Variants in FAM107B observed in about 807,000 individuals in gnomAD.
FAM107B encodes the protein family with sequence similarity 107 member B.
In FAM107B, 21 loss-of-function variants were observed where a neutral mutation model predicts 31.5. That is an observed-to-expected ratio of 0.67 (90% CI 0.47 to 0.96). The LOEUF (loss-of-function observed/expected upper bound fraction) is 0.96, where lower values mean the gene tolerates loss of function less well. FAM107B is among the 40% of genes least tolerant of loss of function. The pLI is 0.00. For missense variants in FAM107B, 452 were observed against 377.1 expected (o/e 1.20, Z -1.64); for synonymous variants, 157 against 141.5 (o/e 1.11, Z -0.78).
At chr10:14,634,670 C>T (rs894515533) in intron 2 of FAM107B, among the ~76,000 whole-genome samples, 8 of 152,132 alleles carry the variant, frequency 5.3e-5, no homozygotes, top group Non-Finnish European at 1.2e-4. Context: ...CAGGAAGGGT[C>T]TACATTTGGG....
chr10:14,703,428 T>C (rs930852554), intron 1 of FAM107B, among the ~76,000 whole-genome samples: 3 of 151,460 alleles, frequency 2.0e-5, no homozygotes, highest in South Asian at 2.1e-4. Context: ...CCTCCGCCTC[T>C]GGGTTCAAGC....
chr10:14,564,720 C>T (rs183037957), intron 2 of FAM107B, among the ~76,000 whole-genome samples: 12 of 152,212 alleles, frequency 7.9e-5, no homozygotes, highest in Admixed American at 7.8e-4. Flanking sequence ...CAGATCGCAA[C>T]AGAAATAAGG....
chr10:14,726,145 C>T (rs1338472283), intron 1 of FAM107B, among the ~76,000 whole-genome samples: 1 of 152,176 alleles, frequency 6.6e-6, no homozygotes, highest in Non-Finnish European at 1.5e-5. Flanking sequence ...AGGCTTGCAC[C>T]ACCACACCTG....
chr10:14,662,167 C>T (rs976921345), intron 2 of FAM107B, among the ~76,000 whole-genome samples: 24 of 152,116 alleles, frequency 1.6e-4, no homozygotes, highest in Non-Finnish European at 2.4e-4. Flanking sequence ...GGGATTGCAA[C>T]GCATCTTTAA....
intron 2 of FAM107B, among the ~76,000 whole-genome samples, chr10:14,557,574 G>T (rs1215640784): frequency 1.3e-5 from 2 of 152,134 alleles, no homozygotes; most frequent in African/African-American, 4.8e-5. Context: ...TTTAAAACTG[G>T]TAATAGAAAT....
At chr10:14,741,715 CTT>C (rs769614377) in intron 1 of FAM107B, among the ~76,000 whole-genome samples, 7 of 114,428 alleles carry the variant, frequency 6.1e-5, no homozygotes, top group African/African-American at 1.1e-4. Flanking sequence ...GCATAACTCC[CTT>C]TTTTTTTTTT....
chr10:14,631,678 C>G (rs529067790), intron 2 of FAM107B, among the ~76,000 whole-genome samples: 1 of 152,264 alleles, frequency 6.6e-6, no homozygotes, highest in Non-Finnish European at 1.5e-5. Context: ...CTTCTCTAAC[C>G]TCCTGGGTCC....
chr10:14,647,685 CAA>C (rs35141961), intron 2 of FAM107B, among the ~76,000 whole-genome samples: 249 of 89,050 alleles, frequency 2.8e-3, no homozygotes, highest in African/African-American at 7.0e-3. Context: ...GACTCCATCT[CAA>C]AAAAAAAAAA....
At position 14,723,481 on chromosome 10, in the gene FAM107B, T is replaced by C. The variant is rs140118209; in HGVS notation, c.411+50772A>G. 1.6e-3 allele frequency: 918 copies of C among 574,774 alleles called. 4 individuals carry two copies. The highest frequency in any genetic ancestry group is 2.6e-3 in the Non-Finnish European group (800 of 302,002). The allele number at this position is 574,774 out of a possible 1,614,324, so 35.6% of individuals were successfully genotyped here. On this transcript the variant is annotated intron_variant, in intron 1 of 4. Transcript: ENST00000181796. Reference sequence around the variant, plus strand: ...ATCAGGCATGACCTGTCACGGGTGTTTACAGGAAATGGTACCACACATGCA... The same window carrying C: ...ATCAGGCATGACCTGTCACGGGTGTCTACAGGAAATGGTACCACACATGCA...
rs374430922 is a variant in FAM107B, at chr10:14,521,855, C to A, written c.804+14G>T. The A allele has an allele frequency of 6.2e-7, 1 of 1,607,472 alleles. No homozygotes were observed. Among genetic ancestry groups the A allele is most frequent in the African/African-American group, 1.3e-5 (1 of 74,234 alleles). ...AAAAACAAAAAAAGACAGCTTCCAG[C>A]CAATCCCCCTTACCTGCTCCAACTT... On this transcript the variant is annotated intron_variant, in intron 4 of 4. Transcript: ENST00000181796.
chr10:14,690,854 C>T (rs1295445149), intron 1 of FAM107B, among the ~76,000 whole-genome samples: 2 of 152,134 alleles, frequency 1.3e-5, no homozygotes, highest in African/African-American at 2.4e-5. Flanking sequence ...TCAGGGAGAA[C>T]AGGATGCAAA....
At chr10:14,572,800 A>G (rs1588622990) in intron 2 of FAM107B, among the ~76,000 whole-genome samples, 1 of 139,328 alleles carries the variant, frequency 7.2e-6, no homozygotes, top group South Asian at 2.3e-4. Context: ...AGGTGTATGT[A>G]GATATACATA....
At chr10:14,542,540 C>G (rs1397750070) in intron 2 of FAM107B, 1 of 152,222 alleles carries the variant, frequency 6.6e-6, no homozygotes, top group Non-Finnish European at 1.5e-5. Context: ...ACATCTCAGT[C>G]ACATAGTGGT....
At chr10:14,688,766 C>A (rs1855051135) in intron 1 of FAM107B, among the ~76,000 whole-genome samples, 1 of 152,172 alleles carries the variant, frequency 6.6e-6, no homozygotes, top group Non-Finnish European at 1.5e-5. Flanking sequence ...AGTCTGACCA[C>A]CCTCTCCGCC....
At chr10:14,674,091 A>G (rs534330978) in intron 1 of FAM107B, among the ~76,000 whole-genome samples, 1 of 152,348 alleles carries the variant, frequency 6.6e-6, no homozygotes, top group Admixed American at 6.5e-5. Flanking sequence ...CCAGATCCAA[A>G]AATCAACTCA....
chr10:14,653,433 G>C (rs12412941), intron 2 of FAM107B, among the ~76,000 whole-genome samples: 16,439 of 152,218 alleles, frequency 0.11, 1,050 homozygotes, highest in Admixed American at 0.2. Context: ...GCCTTGCTGA[G>C]CAAGAACAGA....
chr10:14,589,623 A>G (rs1851952439), intron 2 of FAM107B, among the ~76,000 whole-genome samples: 1 of 152,158 alleles, frequency 6.6e-6, no homozygotes, highest in Non-Finnish European at 1.5e-5. Flanking sequence ...GCAGTACACC[A>G]TAGGGTGAAT....
At chr10:14,723,671 C>A in intron 1 of FAM107B, 1 of 743,316 alleles carries the variant, frequency 1.3e-6, no homozygotes. Context: ...TGGCAGTCAG[C>A]TCTGGGGTCA....
intron 1 of FAM107B, 119 bp downstream of exon 1, chr10:14,774,134 G>A: frequency 8.0e-7 from 1 of 1,245,350 alleles, no homozygotes; most frequent in Non-Finnish European, 1.1e-6. Context: ...TAGTGAGAAC[G>A]CCCGCAATGC....
Sources: gnomAD v4.1 joint callset for allele counts (sites outside exome capture counted in the v4.1 genomes callset) on GRCh38, gnomAD v4.1.1 for gene constraint, MANE v1.5 for transcripts, NCBI Gene and HGNC (gene_info 2026-07-23, HGNC 2026-07-21) for gene names.